PCDHGA6: variants seen among roughly 807,000 people sequenced by gnomAD.
The protein encoded by PCDHGA6 is protocadherin gamma subfamily A, 6, also known as protocadherin gamma-A6.
Under a neutral mutation model 60.6 loss-of-function variants are expected in PCDHGA6, and 41 were observed. The ratio of observed to expected loss-of-function variants is 0.68; its 90% CI spans 0.53 to 0.88. The LOEUF (loss-of-function observed/expected upper bound fraction) is 0.88. PCDHGA6 is among the 40% of genes least tolerant of loss of function. The pLI is 0.00. For missense variants in PCDHGA6, 1,312 were observed against 1,203.0 expected, an observed-to-expected ratio of 1.09 and a Z score of -1.34; for synonymous variants, 594 against 524.4, an observed-to-expected ratio of 1.13 and a Z score of -1.81.
At chr5:141,474,016 G>A (rs1286684019) in intron 1 of PCDHGA6, among the ~76,000 whole-genome samples, 1 of 152,128 alleles carries the variant, frequency 6.6e-6, no homozygotes, top group Non-Finnish European at 1.5e-5. Context: ...GTTACAGTGA[G>A]CTATGATTAT....
intron 1 of PCDHGA6, chr5:141,389,226 C>G: frequency 6.2e-7 from 1 of 1,614,064 alleles, no homozygotes; most frequent in Non-Finnish European, 8.5e-7. Context: ...TGACAACGCT[C>G]CGGTTTTCTC....
At chr5:141,435,334 T>C (rs1223377462) in intron 1 of PCDHGA6, among the ~76,000 whole-genome samples, 1 of 152,196 alleles carries the variant, frequency 6.6e-6, no homozygotes, top group East Asian at 1.9e-4. Context: ...ATATAGTGAA[T>C]TTATTTCTTC....
intron 1 of PCDHGA6, chr5:141,383,280 T>C (rs1180064294): frequency 6.2e-7 from 1 of 1,613,786 alleles, no homozygotes; most frequent in Non-Finnish European, 8.5e-7. Context: ...TAGATATTAA[T>C]GACAACGTTC....
chr5:141,485,359 C>T lies in PCDHGA6; in HGVS notation c.2425-9448C>T. ...TGGATACGGACAGTCTGTCAGCTCG[C>T]AGGCTGCAGGTCGCTGGAGAGGTGA... is the stretch of plus-strand genomic sequence containing the variant. On this transcript the variant is annotated intron_variant, in intron 1 of 3. Transcript: ENST00000517434. The surrounding 1 kb of genome is among the most constrained non-coding windows in gnomAD (Gnocchi z 5.7). 6.2e-7 allele frequency: 1 copy of T among 1,614,144 alleles called. No homozygotes were observed. The highest frequency in any genetic ancestry group is 8.5e-7 in the Non-Finnish European group (1 of 1,180,010).
chr5:141,403,438 T>G (rs759998240), intron 1 of PCDHGA6: 12 of 1,614,054 alleles, frequency 7.4e-6, no homozygotes, highest in Non-Finnish European at 8.5e-6. Flanking sequence ...ATCCGGATGT[T>G]GGCGTGAACT....
chr5:141,434,174 C>T (rs1310074584), intron 1 of PCDHGA6, among the ~76,000 whole-genome samples: 1 of 152,132 alleles, frequency 6.6e-6, no homozygotes, highest in Non-Finnish European at 1.5e-5. Flanking sequence ...GGGATTATAT[C>T]CAAGATTTGT....
At chr5:141,428,448 T>C in intron 1 of PCDHGA6, 12 of 375,612 alleles carry the variant, frequency 3.2e-5, no homozygotes, top group South Asian at 2.4e-4. Flanking sequence ...CAGGGGTTTT[T>C]CCCAACTACA....
intron 1 of PCDHGA6, chr5:141,379,115 T>C (rs1775378962): frequency 6.6e-6 from 1 of 152,230 alleles, no homozygotes; most frequent in African/African-American, 2.4e-5. Context: ...ATTGAGAAGA[T>C]ACCTTGAAAA....
chr5:141,384,341 G>A (rs373965421), intron 1 of PCDHGA6: 3 of 1,613,758 alleles, frequency 1.9e-6, no homozygotes, highest in Admixed American at 1.7e-5. Context: ...GACCACGACA[G>A]TGAGGATAAT....
chr5:141,489,364 G>A lies in PCDHGA6; in HGVS notation c.2425-5443G>A, dbSNP rs2099686163. On this transcript the variant is annotated intron_variant, in intron 1 of 3. Coordinates refer to ENST00000517434, the MANE Select transcript of PCDHGA6 (RefSeq NM_018919.3). The surrounding 1 kb of genome is among the most constrained non-coding windows in gnomAD (Gnocchi z 4.5). The stretch of plus-strand genomic sequence containing the variant: ...CTCAGTGGTGGAGGAGTCTGAGCCG[G>A]GGACGCTGGTGGGGAATGTTGCTCA... 1 of 1,613,450 alleles carries A rather than the reference G, an allele frequency of 6.2e-7. No homozygotes were observed. The highest frequency in any genetic ancestry group is 1.1e-5 in the South Asian group (1 of 91,042).
Position 141,486,429 on chromosome 5 carries a change from C to G in PCDHGA6, c.2425-8378C>G, listed in dbSNP as rs2099629385. On this transcript the variant is annotated intron_variant, in intron 1 of 3. Transcript: ENST00000517434. The surrounding 1 kb of genome is among the most constrained non-coding windows in gnomAD (Gnocchi z 5.0). ...GGACCCTTGGATCGAGAGGCCAAAT[C>G]TAGCTATGACATCATGGTCACTGCT... 1.1e-5 allele frequency: 17 copies of G among 1,614,192 alleles called. No homozygotes were observed. Among genetic ancestry groups the G allele is most frequent in the Non-Finnish European group, 1.4e-5 (17 of 1,180,008 alleles).
At chr5:141,418,460 G>A in intron 1 of PCDHGA6, 1 of 1,613,992 alleles carries the variant, frequency 6.2e-7, no homozygotes, top group Non-Finnish European at 8.5e-7. Context: ...GAAGACTCTG[G>A]ACCGAGAAAC....
rs2099705703 is a variant in PCDHGA6, at chr5:141,490,886, C to A, written c.2425-3921C>A. On this transcript the variant is annotated intron_variant, in intron 1 of 3. Transcript: ENST00000517434. This position sits in a 1 kb window ranked among gnomAD's most constrained non-coding sequence, Gnocchi z 5.4. The stretch of plus-strand genomic sequence containing the variant: ...TCTCCCCCATTGCATGCCAACACAT[C>A]TCTGCATGTGTTTGTCCTAGACGAG... The A allele has an allele frequency of 6.2e-7, 1 of 1,613,406 alleles. No homozygotes were observed. Among genetic ancestry groups the A allele is most frequent in the East Asian group, 2.2e-5 (1 of 44,878 alleles).
intron 1 of PCDHGA6, among the ~76,000 whole-genome samples, chr5:141,420,762 T>A (rs1221355822): frequency 6.6e-6 from 1 of 152,222 alleles, no homozygotes; most frequent in Non-Finnish European, 1.5e-5. Context: ...AACCTACAAG[T>A]TTTCAGCTCC....
chr5:141,450,908 G>A (rs1248622378), intron 1 of PCDHGA6, among the ~76,000 whole-genome samples: 12 of 147,640 alleles, frequency 8.1e-5, no homozygotes, highest in East Asian at 6.0e-4. Flanking sequence ...CACTGCAACC[G>A]CTGCCTCCCA....
chr5:141,431,916 T>C lies in PCDHGA6; in HGVS notation c.2424+55409T>C, dbSNP rs2097428336. 1 of 1,614,056 alleles carries C rather than the reference T, an allele frequency of 6.2e-7. No homozygotes were observed. Among genetic ancestry groups the C allele is most frequent in the Middle Eastern group, 1.6e-4 (1 of 6,062 alleles). ...GAAAACGGACAGGTGATCTGTTTCA[T>C]CCAAGGAAATCTGCCCTTTAAATTA... On this transcript the variant is annotated intron_variant, in intron 1 of 3. Transcript: ENST00000517434. The surrounding 1 kb of genome is among the most constrained non-coding windows in gnomAD (Gnocchi z 4.8).
intron 1 of PCDHGA6, among the ~76,000 whole-genome samples, chr5:141,472,980 C>CAAAAAAAAAAAAAAAAAGAAAAAA (rs2099309731): frequency 2.3e-5 from 2 of 86,106 alleles, no homozygotes; most frequent in Non-Finnish European, 5.0e-5. Flanking sequence ...GAGTGAAACT[C>CAAAAAAAAAAAAAAAAAGAAAAAA]AAAAAAAAAA....
chr5:141,398,889 C>A (rs1300521650), intron 1 of PCDHGA6: 2 of 1,613,958 alleles, frequency 1.2e-6, no homozygotes, highest in Non-Finnish European at 1.7e-6. Context: ...TTCGGGAAAA[C>A]GTGCCACCAG....
At chr5:141,409,192 G>A in intron 1 of PCDHGA6, 4 of 1,614,000 alleles carry the variant, frequency 2.5e-6, no homozygotes, top group Non-Finnish European at 3.4e-6. Context: ...TCTCTACCCA[G>A]TGTAAAGTAA....
Sources: gnomAD v4.1 joint callset for allele counts (sites outside exome capture counted in the v4.1 genomes callset) on GRCh38, gnomAD v4.1.1 for gene constraint, Gnocchi (gnomAD v3.1) non-coding constraint, MANE v1.5 for transcripts, NCBI Gene and HGNC (gene_info 2026-07-23, HGNC 2026-07-21) for gene names.